The following CELSR1 variants were observed in gnomAD, a reference collection of about 807,000 sequenced individuals.
CELSR1 encodes adhesion G protein-coupled receptor C1.
A neutral mutation model predicts 249.1 loss-of-function variants in CELSR1; 110 were observed. That is an observed-to-expected ratio of 0.44 (90% CI 0.38 to 0.52). The LOEUF is 0.52. Among genes scored for constraint, CELSR1 ranks in the 20% least tolerant of loss-of-function variants. The probability of loss-of-function intolerance (pLI) is 0.00; values close to 1 mark genes in which losing one functional copy is unlikely to be tolerated. For synonymous variants in CELSR1, 2,113 were observed against 1,900.0 expected (o/e 1.11, Z -2.92); for missense variants, 4,109 against 4,296.4 (o/e 0.96, Z 1.22).
At position 46,364,493 on chromosome 22, in the gene CELSR1, C is replaced by T; in HGVS notation, c.8779+19G>A. On this transcript the variant is annotated intron_variant, in intron 33 of 34. Coordinates refer to ENST00000674500, the MANE Select transcript of CELSR1 (RefSeq NM_001378328.1). ...TGGGTCCTCCAGCCTTTCACTGCAGCCCCGGCCTCCCCAGGCACCTTTCCT... is the reference window on the plus strand; with the variant it reads ...TGGGTCCTCCAGCCTTTCACTGCAGTCCCGGCCTCCCCAGGCACCTTTCCT... 9 of 1,599,138 alleles carry T rather than the reference C, an allele frequency of 5.6e-6. No individual in the cohort carries two copies. The highest frequency in any genetic ancestry group is 6.8e-6 in the Non-Finnish European group (8 of 1,172,338).
chr22:46,398,721 G>A lies in CELSR1; in HGVS notation c.5413-84C>T, dbSNP rs1390481724. The A allele has an allele frequency of 2.8e-6, 3 of 1,056,496 alleles. No homozygotes were observed. Among genetic ancestry groups the A allele is most frequent in the African/African-American group, 3.2e-5 (2 of 62,358 alleles). The allele number at this position is 1,056,496 out of a possible 1,614,324, so 65.4% of individuals were successfully genotyped here. On this transcript the variant is annotated intron_variant, in intron 10 of 34. Coordinates refer to ENST00000674500, the MANE Select transcript of CELSR1 (RefSeq NM_001378328.1). The surrounding 1 kb of genome is among the most constrained non-coding windows in gnomAD (Gnocchi z 7.2). Reference sequence around the variant, plus strand: ...CTCAGATGGGAAGGATACACTGGAAGTCTAAACAGTCACTTCAACAAACTC... The same window carrying A: ...CTCAGATGGGAAGGATACACTGGAAATCTAAACAGTCACTTCAACAAACTC...
At position 46,401,675 on chromosome 22, in the gene CELSR1, G is replaced by A. The variant is rs544947444; in HGVS notation, c.5227-1773C>T. ...AAAGCTTTCTAGGTTCATGGGGCTGGAGGATTAAAAACTGGGGTTCATGGA... is the reference window on the plus strand; with the variant it reads ...AAAGCTTTCTAGGTTCATGGGGCTGAAGGATTAAAAACTGGGGTTCATGGA... On this transcript the variant is annotated intron_variant, in intron 9 of 34. Transcript: ENST00000674500. This position sits in a 1 kb window ranked among gnomAD's most constrained non-coding sequence, Gnocchi z 4.7. Among the ~76,000 whole-genome samples the A allele has an allele frequency of 6.6e-6, 1 of 152,320 alleles. No homozygotes were observed. The highest frequency in any genetic ancestry group is 2.1e-4 in the South Asian group (1 of 4,822).
chr22:46,487,055 C>G (rs2080319883), intron 1 of CELSR1, among the ~76,000 whole-genome samples: 1 of 150,106 alleles, frequency 6.7e-6, no homozygotes, highest in Non-Finnish European at 1.5e-5. Flanking sequence ...CACTCCCACT[C>G]CCACTCCCAC....
intron 23 of CELSR1, 21 bp downstream of exon 23, chr22:46,378,570 T>C (rs1394097466): frequency 1.3e-6 from 2 of 1,549,210 alleles, no homozygotes; most frequent in Non-Finnish European, 1.7e-6. Flanking sequence ...GAGGGCACAG[T>C]GGCCACGGGA....
rs1180434632 is a variant in CELSR1, at chr22:46,390,218, CG to C, written c.6345+173del. On this transcript the variant is annotated intron_variant, in intron 17 of 34. Coordinates refer to ENST00000674500, the MANE Select transcript of CELSR1 (RefSeq NM_001378328.1). This position sits in a 1 kb window ranked among gnomAD's most constrained non-coding sequence, Gnocchi z 6.3. ...GTGCCTGGCTCAGGTGCCAACACCC[CG>C]AAGTCCACAGGAACCTGCTGGCTCC... 6.6e-6 allele frequency among the ~76,000 whole-genome samples: 1 copy of C among 152,172 alleles called. No homozygotes were observed. The highest frequency in any genetic ancestry group is 6.5e-5 in the Admixed American group (1 of 15,284).
rs2079350126 is a variant in CELSR1, at chr22:46,412,511, C to T, written c.4612-752G>A. ...CACATCTCCCCTCTAAGGCGTGGAACTCCCTCTCTGGGCCAGGATTGGGTA... is the reference window on the plus strand; with the variant it reads ...CACATCTCCCCTCTAAGGCGTGGAATTCCCTCTCTGGGCCAGGATTGGGTA... On this transcript the variant is annotated intron_variant, in intron 5 of 34. Transcript: ENST00000674500. The surrounding 1 kb of genome is among the most constrained non-coding windows in gnomAD (Gnocchi z 4.5). 6.6e-6 allele frequency among the ~76,000 whole-genome samples: 1 copy of T among 152,216 alleles called. No homozygotes were observed. Among genetic ancestry groups the T allele is most frequent in the South Asian group, 2.1e-4 (1 of 4,830 alleles).
At position 46,433,119 on chromosome 22, in the gene CELSR1, C is replaced by G. The variant is rs1299185218; in HGVS notation, c.4611+274G>C. 6.6e-6 allele frequency among the ~76,000 whole-genome samples: 1 copy of G among 152,078 alleles called. No homozygotes were observed. The highest frequency in any genetic ancestry group is 1.5e-5 in the Non-Finnish European group (1 of 68,006). On this transcript the variant is annotated intron_variant, in intron 5 of 34. Coordinates refer to ENST00000674500, the MANE Select transcript of CELSR1 (RefSeq NM_001378328.1). The surrounding 1 kb of genome is among the most constrained non-coding windows in gnomAD (Gnocchi z 5.7). ...TCGGCTCACTGTAACTTCTGCCTCCCAGGCTCAAGTGACTCTCCTGCCTCA... is the reference window on the plus strand; with the variant it reads ...TCGGCTCACTGTAACTTCTGCCTCCGAGGCTCAAGTGACTCTCCTGCCTCA...
At chr22:46,520,406 CCTT>C (rs1374521641) in intron 1 of CELSR1, among the ~76,000 whole-genome samples, 2 of 96,226 alleles carry the variant, frequency 2.1e-5, no homozygotes, top group South Asian at 3.7e-4. Flanking sequence ...TTGCATTAGT[CCTT>C]CTAGCATTTT....
chr22:46,394,300 T>A, intron 13 of CELSR1, 38 bp from the exon 14 acceptor site: 3 of 1,592,928 alleles, frequency 1.9e-6, no homozygotes, highest in Non-Finnish European at 2.6e-6. Context: ...AAGGTTTATG[T>A]AACTGTGCTT....
chr22:46,380,844 C>T lies in CELSR1; in HGVS notation c.7200G>A (p.Leu2400=), dbSNP rs1262401202. The change falls in exon 22 of 35, where the codon CTG becomes CTA. Residue 2400 remains leucine, a synonymous_variant. Coordinates refer to ENST00000674500, the MANE Select transcript of CELSR1 (RefSeq NM_001378328.1). The surrounding 1 kb of genome is among the most constrained non-coding windows in gnomAD (Gnocchi z 5.1). ...LERPVLVEFA[L]LEVEERTKPV... The stretch of plus-strand genomic sequence containing the variant: ...GCTTGGTTCGCTCCTCCACCTCCAG[C>T]AGGGCGAACTCCACCAGGACGGGCC... The T allele has an allele frequency of 1.2e-6, 2 of 1,612,268 alleles. No individual in the cohort carries two copies.
Position 46,410,320 on chromosome 22 carries a change from G to A in CELSR1, c.4933+78C>T. 6.5e-7 allele frequency: 1 copy of A among 1,544,432 alleles called. No homozygotes were observed. Among genetic ancestry groups the A allele is most frequent in the South Asian group, 1.2e-5 (1 of 86,738 alleles). ...AACACGGCTCCCCAGGGATCTGCAA[G>A]CAGTGACCTCTGTGTGGCTGCCGAC... On this transcript the variant is annotated intron_variant, in intron 7 of 34. Coordinates refer to ENST00000674500, the MANE Select transcript of CELSR1 (RefSeq NM_001378328.1). This position sits in a 1 kb window ranked among gnomAD's most constrained non-coding sequence, Gnocchi z 6.8.
chr22:46,375,628 C>T (rs776126720), intron 24 of CELSR1, among the ~76,000 whole-genome samples: 5 of 150,430 alleles, frequency 3.3e-5, no homozygotes, highest in Admixed American at 1.3e-4. Flanking sequence ...ACTGCAACCT[C>T]TGCCTCCCGG....
Position 46,436,065 on chromosome 22 carries a change from G to A in CELSR1, c.4522+109C>T. ...ACAGCTTCCTAGACCTACAAGTGAGGGATGAAAGGGTAAGCAGCTTGGAGG... is the reference window on the plus strand; with the variant it reads ...ACAGCTTCCTAGACCTACAAGTGAGAGATGAAAGGGTAAGCAGCTTGGAGG... On this transcript the variant is annotated intron_variant, in intron 4 of 34. Transcript: ENST00000674500. The surrounding 1 kb of genome is among the most constrained non-coding windows in gnomAD (Gnocchi z 5.9). The A allele has an allele frequency of 1.3e-6, 1 of 767,394 alleles. No individual in the cohort carries two copies. The highest frequency in any genetic ancestry group is 2.5e-5 in the East Asian group (1 of 39,670). The allele number at this position is 767,394 out of a possible 1,614,324, so 47.5% of individuals were successfully genotyped here.
intron 24 of CELSR1, among the ~76,000 whole-genome samples, chr22:46,375,083 G>C (rs1490906437): frequency 2.6e-5 from 4 of 152,196 alleles, no homozygotes; most frequent in Admixed American, 6.5e-5. Flanking sequence ...CTTGAGGTAA[G>C]AGGGGTCTGG....
At chr22:46,529,734 T>C (rs2080773300) in intron 1 of CELSR1, among the ~76,000 whole-genome samples, 3 of 149,996 alleles carry the variant, frequency 2.0e-5, no homozygotes, top group South Asian at 2.1e-4. Flanking sequence ...ACCCAGGAGG[T>C]AGAGGTTGCA....
chr22:46,488,850 G>A lies in CELSR1; in HGVS notation c.3545-24505C>T, dbSNP rs1055234472. Among the ~76,000 whole-genome samples, 2 of 152,006 alleles carry A rather than the reference G, an allele frequency of 1.3e-5. No homozygotes were observed. Among genetic ancestry groups the A allele is most frequent in the African/African-American group, 2.4e-5 (1 of 41,396 alleles). ...AATTTTTTGTATTTTTAGTAGAGAC[G>A]GGGTTTCACCGTGTTAGCCAGGATG... On this transcript the variant is annotated intron_variant, in intron 1 of 34. Transcript: ENST00000674500. This position sits in a 1 kb window ranked among gnomAD's most constrained non-coding sequence, Gnocchi z 4.7.
rs202069007 is a variant in CELSR1, at chr22:46,536,112, G to C, written c.1059C>G (p.Phe353Leu). 1.2e-6 allele frequency: 2 copies of C among 1,612,530 alleles called. No individual in the cohort carries two copies. The highest frequency in any genetic ancestry group is 8.5e-7 in the Non-Finnish European group (1 of 1,180,002). ...VKDTNDHSPVFEQSEYRERVR... is the reference protein window; with the variant it reads ...VKDTNDHSPVLEQSEYRERVR... ...CGCGCTCGCGGTACTCCGACTGCTCGAAGACCGGGCTGTGGTCGTTGGTGT... is the reference window on the plus strand; with the variant it reads ...CGCGCTCGCGGTACTCCGACTGCTCCAAGACCGGGCTGTGGTCGTTGGTGT... The change falls in exon 1 of 35, where the codon TTC becomes TTG. Residue 353 changes from phenylalanine (F) to leucine (L), a missense_variant. By Grantham distance (22) the Phe-to-Leu change is conservative. This residue lies in a region of CELSR1 where 673 missense variants were observed against 636.8 expected (regional missense o/e 1.06). Transcript: ENST00000674500.
chr22:46,377,468 CCCTGGGG>C, intron 23 of CELSR1: 1 of 602,288 alleles, frequency 1.7e-6, no homozygotes, highest in South Asian at 2.0e-5. Context: ...CCCTGGGCAT[CCCTGGGG>C]CCTGCGGCAG....
intron 2 of CELSR1, among the ~76,000 whole-genome samples, chr22:46,453,851 A>C (rs1002244312): frequency 6.6e-6 from 1 of 152,094 alleles, no homozygotes; most frequent in Admixed American, 6.5e-5. Context: ...CCTTCAACAA[A>C]TATTTACCGG....
Sources: allele counts gnomAD v4.1 joint callset (sites outside exome capture counted in the v4.1 genomes callset), GRCh38; gene constraint gnomAD v4.1.1; regional missense constraint gnomAD v4.1.1; non-coding constraint Gnocchi (gnomAD v3.1); transcripts MANE v1.5; gene names NCBI Gene and HGNC (gene_info 2026-07-23, HGNC 2026-07-21).